Variants in DIS3L observed in about 807,000 individuals in gnomAD.
The protein encoded by DIS3L is DIS3 like exosome 3'-5' exoribonuclease.
Under a neutral mutation model 120.3 loss-of-function variants are expected in DIS3L, and 100 were observed. That is an observed-to-expected ratio of 0.83 (90% CI 0.71 to 0.98). DIS3L has a LOEUF of 0.98. Ranked by LOEUF, DIS3L falls within the 50% of genes least tolerant of loss-of-function variation. The probability of loss-of-function intolerance (pLI) is 0.00; values close to 1 mark genes in which losing one functional copy is unlikely to be tolerated. For missense variants in DIS3L, 1,196 were observed against 1,314.2 expected, an observed-to-expected ratio of 0.91 and a Z score of 1.39; for synonymous variants, 426 against 470.6, an observed-to-expected ratio of 0.91 and a Z score of 1.23.
At chr15:66,295,279 A>T in intron 2 of DIS3L, 138 bp downstream of exon 2, 1 of 760,544 alleles carries the variant, frequency 1.3e-6, no homozygotes. Context: ...ATTCTCTTTG[A>T]TAGTGAGGAA....
rs141163737 is a variant in DIS3L at position 66,332,885 on chromosome 15, C to G, written c.2831C>G (p.Thr944Arg). ...ACTACAACAGATGGGGAATCTGTTA[C>G]GTTCCATTTGTTTGACCATGTAACC... is the stretch of plus-strand genomic sequence containing the variant. ...TSTTTDGESVTFHLFDHVTVR... is the reference protein window; with the variant it reads ...TSTTTDGESVRFHLFDHVTVR... Residue 944 changes from threonine to arginine, a missense_variant, in exon 16 of 17, where the codon ACG becomes AGG. Physicochemically the swap from Thr to Arg is moderately conservative, Grantham distance 71. Transcript: ENST00000319212. 10 of 1,612,298 alleles carry G rather than the reference C, an allele frequency of 6.2e-6. No homozygotes were observed. The East Asian group carries it at 1.8e-4, about 29-fold the overall frequency.
chr15:66,306,890 A>G lies in DIS3L; in HGVS notation c.360A>G (p.Glu120=), dbSNP rs939093222. The G allele has an allele frequency of 6.2e-7, 1 of 1,614,212 alleles. No individual in the cohort carries two copies. Among genetic ancestry groups the G allele is most frequent in the African/African-American group, 1.3e-5 (1 of 75,060 alleles). The stretch of plus-strand genomic sequence containing the variant: ...ATGATTGCATTCTCTTTGCTAATGA[A>G]TTCCAGCAATGCTGCTATCTGCCAC... ...ARHDCILFAN[E]FQQCCYLPRE... The change falls in exon 3 of 17, where the codon GAA becomes GAG. Residue 120 remains glutamate, a synonymous_variant. Coordinates refer to ENST00000319212, the MANE Select transcript of DIS3L (RefSeq NM_001143688.3).
At chr15:66,330,544 G>A (rs2092989354) in intron 14 of DIS3L, 1 of 984,944 alleles carries the variant, frequency 1.0e-6, no homozygotes, top group African/African-American at 1.7e-5. Context: ...GTGCAATGTT[G>A]TAGCACTAGC....
chr15:66,302,201 CA>C (rs201166215), intron 2 of DIS3L, among the ~76,000 whole-genome samples: 1 of 151,344 alleles, frequency 6.6e-6, no homozygotes, highest in Admixed American at 6.6e-5. Context: ...TGTCTCAATA[CA>C]AAAAAAACCA....
intron 14 of DIS3L, chr15:66,329,904 CTG>C: frequency 4.1e-6 from 4 of 978,270 alleles, no homozygotes; most frequent in Non-Finnish European, 4.8e-6. Context: ...AAAATTGAGA[CTG>C]TGTCTCAAAA....
chr15:66,318,689 G>A (rs2092847971), intron 8 of DIS3L, 71 bp downstream of exon 8: 1 of 1,465,728 alleles, frequency 6.8e-7, no homozygotes, highest in Non-Finnish European at 9.3e-7. Flanking sequence ...CTTTTTAGCA[G>A]TACCAGAAAG....
chr15:66,297,903 G>C (rs1332386309), intron 2 of DIS3L, among the ~76,000 whole-genome samples: 2 of 152,106 alleles, frequency 1.3e-5, no homozygotes, highest in African/African-American at 4.8e-5. Flanking sequence ...AATCAGGCCA[G>C]GCTGAGTAGC....
intron 2 of DIS3L, among the ~76,000 whole-genome samples, chr15:66,302,536 AT>A (rs776311562): frequency 3.9e-5 from 6 of 152,312 alleles, no homozygotes; most frequent in East Asian, 3.9e-4. Flanking sequence ...AGGGCTGTGC[AT>A]TCATTTGTTC....
At position 66,314,115 on chromosome 15, in the gene DIS3L, C is replaced by G. The variant is rs756150223; in HGVS notation, c.812C>G (p.Ser271Ter). ...VRLQGASSKD[S>*]DLVSDILIHG... ...CTTCAAGGAGCCAGCAGTAAAGATT[C>G]AGGTTCAGTATAAACCTTACATAAA... is the stretch of plus-strand genomic sequence containing the variant. Residue 271 changes from serine (S) to a stop codon, truncating the protein, a stop_gained and splice_region_variant, in exon 6 of 17, where the codon TCA (serine) becomes TGA (stop). Coordinates refer to ENST00000319212, the MANE Select transcript of DIS3L (RefSeq NM_001143688.3). LOFTEE classifies it high-confidence loss of function. 5 of 1,508,410 alleles carry G rather than the reference C, an allele frequency of 3.3e-6. 1 individual carries two copies. The highest frequency in any genetic ancestry group is 4.4e-6 in the Non-Finnish European group (5 of 1,135,334). The allele number at this position is 1,508,410 out of a possible 1,614,324, so 93.4% of individuals were successfully genotyped here. A position where few individuals can be genotyped will look rare whatever the true frequency, so the allele number is the denominator to read the frequency against.
At chr15:66,303,607 T>G (rs2092670139) in intron 2 of DIS3L, among the ~76,000 whole-genome samples, 1 of 152,186 alleles carries the variant, frequency 6.6e-6, no homozygotes, top group Non-Finnish European at 1.5e-5. Flanking sequence ...GTAAAGGGAA[T>G]AAAAACTTCT....
chr15:66,328,053 G>A (rs554007572), intron 12 of DIS3L, among the ~76,000 whole-genome samples: 1 of 152,328 alleles, frequency 6.6e-6, no homozygotes, highest in African/African-American at 2.4e-5. Context: ...TGAGCTGTCT[G>A]CATGCCAGGC....
Position 66,320,592 on chromosome 15 carries a change from A to G in DIS3L, c.1186A>G (p.Ile396Val). 1.2e-6 allele frequency: 2 copies of G among 1,613,532 alleles called. No homozygotes were observed. Among genetic ancestry groups the G allele is most frequent in the South Asian group, 1.1e-5 (1 of 90,928 alleles). The change falls in exon 9 of 17, where the codon ATC becomes GTC. Residue 396 changes from isoleucine (I) to valine (V), a missense_variant. Physicochemically the swap from Ile to Val is conservative, Grantham distance 29. Coordinates refer to ENST00000319212, the MANE Select transcript of DIS3L (RefSeq NM_001143688.3). ...GCAGGACTTCAGGGTGGTCGTGCGC[A>G]TCGATTCCTGGGAGTCAACATCTGT... Reference protein sequence around the residue: ...TLQDFRVVVRIDSWESTSVYP... With the variant: ...TLQDFRVVVRVDSWESTSVYP...
intron 6 of DIS3L, 98 bp downstream of exon 6, chr15:66,314,215 C>A: frequency 1.0e-6 from 1 of 997,202 alleles, no homozygotes. Context: ...CATATGTGCC[C>A]TGTTATGTAT....
In DIS3L at chr15:66,295,269, A is replaced by T; in HGVS notation, c.293+128A>T. On this transcript the variant is annotated intron_variant, in intron 2 of 16. Coordinates refer to ENST00000319212, the MANE Select transcript of DIS3L (RefSeq NM_001143688.3). The stretch of plus-strand genomic sequence containing the variant: ...AAGGGACTTTTAAAACTAATTTCGT[A>T]TTCTCTTTGATAGTGAGGAATGCAG... The T allele has an allele frequency of 5.8e-6, 5 of 864,258 alleles. No individual in the cohort carries two copies. The South Asian group carries it at 7.3e-5, about 13-fold the overall frequency. 53.5% of individuals were successfully genotyped at this position (864,258 alleles called of 1,614,324 possible).
intron 10 of DIS3L, 85 bp from the exon 11 acceptor site, chr15:66,323,408 C>A: frequency 7.3e-7 from 1 of 1,375,168 alleles, no homozygotes; most frequent in South Asian, 1.2e-5. Flanking sequence ...GAGATTTTGG[C>A]CATTTACCTC....
In DIS3L at chr15:66,333,069, C is replaced by CTTG. The variant is rs1566964946; in HGVS notation, c.2922_2923insTTG (p.Asn974_Lys975insLeu). 6.2e-7 allele frequency: 1 copy of CTTG among 1,613,250 alleles called. No homozygotes were observed. On this transcript the variant is annotated inframe_insertion, in exon 17 of 17. Transcript: ENST00000319212. Reference sequence around the variant, plus strand: ...CAATCAGACTTGAAATAATTAGTAACAAACCATACAAGATACCAAATACAG... The same window carrying CTTG: ...CAATCAGACTTGAAATAATTAGTAACTTGAAACCATACAAGATACCAAATACAG...
chr15:66,320,783 G>T, intron 9 of DIS3L, 51 bp downstream of exon 9: 1 of 1,575,238 alleles, frequency 6.3e-7, no homozygotes. Context: ...TTTTGCTTTT[G>T]TTGTTGTTTC....
chr15:66,305,509 A>G (rs1385913170), intron 2 of DIS3L, among the ~76,000 whole-genome samples: 3 of 152,120 alleles, frequency 2.0e-5, no homozygotes, highest in Non-Finnish European at 4.4e-5. Context: ...CTGATTTAAT[A>G]TGAATCCATT....
intron 1 of DIS3L, chr15:66,294,198 T>G: frequency 5.1e-6 from 5 of 985,570 alleles, no homozygotes; most frequent in Non-Finnish European, 6.0e-6. Flanking sequence ...CCCGCACTGT[T>G]GCCCCAGACT....
Sources: allele counts gnomAD v4.1 joint callset (sites outside exome capture counted in the v4.1 genomes callset), GRCh38; gene constraint gnomAD v4.1.1; transcripts MANE v1.5; gene names NCBI Gene and HGNC (gene_info 2026-07-23, HGNC 2026-07-21).